The following ANO2 variants were observed in gnomAD, a reference collection of about 807,000 sequenced individuals.
ANO2 encodes the protein anoctamin-2.
ANO2 carries 101 observed loss-of-function variants against 124.2 expected under a neutral mutation model. The observed-to-expected ratio is 0.81, with a 90% CI of 0.69 to 0.96. ANO2 has a LOEUF of 0.96. Among genes scored for constraint, ANO2 ranks in the 40% least tolerant of loss-of-function variants. The pLI is 0.00. For missense variants in ANO2, 1,293 were observed against 1,274.5 expected (o/e 1.01, Z -0.22); for synonymous variants, 486 against 482.5 (o/e 1.01, Z -0.09).
Position 5,827,935 on chromosome 12 carries a change from A to G in ANO2, c.841-115T>C, listed in dbSNP as rs1954029456. 2.7e-6 allele frequency: 3 copies of G among 1,126,384 alleles called. No individual in the cohort carries two copies. The Admixed American group carries it at 7.3e-5, about 28-fold the overall frequency. 69.8% of individuals were successfully genotyped at this position (1,126,384 alleles called of 1,614,324 possible). A position where few individuals can be genotyped will look rare whatever the true frequency, so the allele number is the denominator to read the frequency against. ...GAGGCGCCCGGGCTCATTTGGAGCC[A>G]GGACGAAGCCAAGCATGTGCCTGGC... On this transcript the variant is annotated intron_variant, in intron 6 of 24. Transcript: ENST00000682330.
At chr12:5,784,935 T>G (rs917800609) in intron 10 of ANO2, among the ~76,000 whole-genome samples, 3 of 152,218 alleles carry the variant, frequency 2.0e-5, no homozygotes, top group Non-Finnish European at 4.4e-5. Flanking sequence ...CAGTTGTTTA[T>G]GTTCCTAACC....
chr12:5,735,303 C>T (rs533817429), intron 13 of ANO2, among the ~76,000 whole-genome samples: 10 of 152,232 alleles, frequency 6.6e-5, no homozygotes, highest in East Asian at 5.8e-4. Context: ...ACTGTTTCCA[C>T]GTGGTCAGTC....
At chr12:5,865,277 GCCATCATGCCATCACA>G (rs1209614598) in intron 3 of ANO2, among the ~76,000 whole-genome samples, 1 of 152,058 alleles carries the variant, frequency 6.6e-6, no homozygotes, top group Non-Finnish European at 1.5e-5. Context: ...AGAAATCTAA[GCCATCATGCCATCACA>G]CCATCATGCC....
At chr12:5,618,701 A>C (rs1464225527) in intron 16 of ANO2, among the ~76,000 whole-genome samples, 1 of 152,156 alleles carries the variant, frequency 6.6e-6, no homozygotes, top group Non-Finnish European at 1.5e-5. Context: ...GATGCGCCTA[A>C]GAAATATTTG....
At position 5,666,188 on chromosome 12, in the gene ANO2, A is replaced by C. The variant is rs1947706374; in HGVS notation, c.1546-18387T>G. Among the ~76,000 whole-genome samples, 3 of 152,314 alleles carry C rather than the reference A, an allele frequency of 2.0e-5. No homozygotes were observed. The Middle Eastern group carries it at 0.01, about 518-fold the overall frequency. Reference sequence around the variant, plus strand: ...AGTGAAGGTTGAGGCTGGGAAAGAGAAGAGAAACCTACCTCACTGAAAAGA... The same window carrying C: ...AGTGAAGGTTGAGGCTGGGAAAGAGCAGAGAAACCTACCTCACTGAAAAGA... On this transcript the variant is annotated intron_variant, in intron 14 of 24. Coordinates refer to ENST00000682330, the MANE Select transcript of ANO2 (RefSeq NM_001364791.2).
intron 20 of ANO2, among the ~76,000 whole-genome samples, chr12:5,581,957 T>A: frequency 6.6e-6 from 1 of 152,086 alleles, no homozygotes; most frequent in Non-Finnish European, 1.5e-5. Flanking sequence ...TGGGGGAGAA[T>A]AAAACATAAA....
At chr12:5,766,165 A>G (rs928591696) in intron 10 of ANO2, among the ~76,000 whole-genome samples, 2 of 152,218 alleles carry the variant, frequency 1.3e-5, no homozygotes, top group Non-Finnish European at 2.9e-5. Flanking sequence ...AGAGCTGAGC[A>G]TAGGTATCCG....
chr12:5,590,921 T>C (rs1304974039), intron 20 of ANO2, among the ~76,000 whole-genome samples: 1 of 152,148 alleles, frequency 6.6e-6, no homozygotes, highest in Non-Finnish European at 1.5e-5. Flanking sequence ...GCGTGGTGGC[T>C]CACACCTGTA....
At chr12:5,877,040 G>A (rs937799108) in intron 3 of ANO2, among the ~76,000 whole-genome samples, 2 of 152,198 alleles carry the variant, frequency 1.3e-5, no homozygotes, top group Non-Finnish European at 2.9e-5. Context: ...AAGAGCAAAT[G>A]GTTATTGAAG....
intron 14 of ANO2, among the ~76,000 whole-genome samples, chr12:5,728,898 T>C (rs995143986): frequency 1.3e-5 from 2 of 152,234 alleles, no homozygotes; most frequent in African/African-American, 2.4e-5. Flanking sequence ...AAACAGTCTG[T>C]TCAACAAATG....
chr12:5,905,772 G>A (rs538131967), intron 3 of ANO2, among the ~76,000 whole-genome samples: 149 of 152,282 alleles, frequency 9.8e-4, no homozygotes, highest in African/African-American at 3.4e-3. Flanking sequence ...TAGAAAAGAA[G>A]GAAGGGTGGA....
At chr12:5,826,167 T>G (rs1204108315) in intron 7 of ANO2, among the ~76,000 whole-genome samples, 1 of 152,218 alleles carries the variant, frequency 6.6e-6, no homozygotes, top group Non-Finnish European at 1.5e-5. Context: ...AGTATTTGGA[T>G]TGGGGATGAG....
At chr12:5,826,368 G>T (rs1953953269) in intron 7 of ANO2, among the ~76,000 whole-genome samples, 1 of 150,760 alleles carries the variant, frequency 6.6e-6, no homozygotes. Context: ...TATTGATCCT[G>T]GGTGTGTCTG....
At chr12:5,737,958 C>T (rs140337574) in intron 13 of ANO2, among the ~76,000 whole-genome samples, 8 of 152,260 alleles carry the variant, frequency 5.3e-5, no homozygotes, top group African/African-American at 1.7e-4. Flanking sequence ...AGGGTATATG[C>T]GAAATACCTA....
At chr12:5,788,620 G>A (rs1297855494) in intron 10 of ANO2, among the ~76,000 whole-genome samples, 3 of 152,214 alleles carry the variant, frequency 2.0e-5, no homozygotes, top group Non-Finnish European at 2.9e-5. Context: ...GTGCAGTGGT[G>A]CGATCTCGGC....
chr12:5,898,752 A>C (rs1052936979), intron 3 of ANO2, among the ~76,000 whole-genome samples: 1 of 152,218 alleles, frequency 6.6e-6, no homozygotes, highest in Non-Finnish European at 1.5e-5. Flanking sequence ...CACGACTGGA[A>C]GGAGGCCCAA....
rs530390567 is a variant in ANO2, at chr12:5,780,337, C to T, written c.1055+19170G>A. On this transcript the variant is annotated intron_variant, in intron 10 of 24. Coordinates refer to ENST00000682330, the MANE Select transcript of ANO2 (RefSeq NM_001364791.2). ...TTGAAATATCATTAATTTTTAATGG[C>T]GAAATTTTGCACCAACCTAACACAT... 8.5e-5 allele frequency among the ~76,000 whole-genome samples: 13 copies of T among 152,130 alleles called. No individual in the cohort carries two copies. In the East Asian group the frequency reaches 1.2e-3, roughly 14 times the overall value.
Position 5,921,117 on chromosome 12 carries a change from C to A in ANO2, c.457G>T (p.Glu153Ter). The change falls in exon 3 of 25, where the codon GAG becomes TAG. Residue 153 changes from glutamate to a stop codon, truncating the protein, a stop_gained. Transcript: ENST00000682330. LOFTEE classifies it high-confidence loss of function. ...TCCTCCCGCTGCTCCTTCCTCTCCT[C>A]CTCCAGGGCATCGAGCGGTCCCAGC... ...IELGPLDALEEERKEQREEFE... is the reference protein window; with the variant it reads ...IELGPLDALE 1.2e-6 allele frequency: 2 copies of A among 1,613,996 alleles called. No individual in the cohort carries two copies. The highest frequency in any genetic ancestry group is 1.7e-6 in the Non-Finnish European group (2 of 1,179,894).
intron 19 of ANO2, among the ~76,000 whole-genome samples, chr12:5,606,542 G>A (rs1410490833): frequency 6.6e-6 from 1 of 152,168 alleles, no homozygotes; most frequent in Non-Finnish European, 1.5e-5. Context: ...AACTGATGGT[G>A]TTAGTTTTCC....
Sources: gnomAD v4.1 joint callset for allele counts (sites outside exome capture counted in the v4.1 genomes callset) on GRCh38, gnomAD v4.1.1 for gene constraint, MANE v1.5 for transcripts, NCBI Gene and HGNC (gene_info 2026-07-23, HGNC 2026-07-21) for gene names.